Variants in SYNCRIP observed in about 807,000 individuals in gnomAD.
SYNCRIP encodes the protein heterogeneous nuclear ribonucleoprotein Q.
In SYNCRIP, 9 loss-of-function variants were observed where a neutral mutation model predicts 68.9. The ratio of observed to expected loss-of-function variants is 0.13; its 90% CI spans 0.08 to 0.23. SYNCRIP has a LOEUF of 0.23. SYNCRIP is among the 10% of genes least tolerant of loss of function. The pLI is 1.00. For missense variants in SYNCRIP, 414 were observed against 770.6 expected, an observed-to-expected ratio of 0.54 and a Z score of 5.48; for synonymous variants, 258 against 254.0, an observed-to-expected ratio of 1.02 and a Z score of -0.15.
chr6:85,622,920 G>A (rs1806579481), intron 7 of SYNCRIP, among the ~76,000 whole-genome samples: 1 of 152,136 alleles, frequency 6.6e-6, no homozygotes, highest in Non-Finnish European at 1.5e-5. Flanking sequence ...TCTTTTTAGA[G>A]GTAAGGACTA....
chr6:85,611,401 TTTC>T (rs1805231651), downstream of SYNCRIP: 1 of 152,578 alleles, frequency 6.6e-6, no homozygotes, highest in African/African-American at 2.4e-5. Flanking sequence ...CATGTCTGAT[TTTC>T]TTGTTAAATT....
At chr6:85,612,827 C>T, downstream of SYNCRIP, 1 of 1,535,428 alleles carries the variant, frequency 6.5e-7, no homozygotes, top group Non-Finnish European at 8.8e-7. Flanking sequence ...GCTTGATTTC[C>T]TTACCATTAC....
chr6:85,637,176 G>T (rs755413264), intron 5 of SYNCRIP, 33 bp from the exon 6 acceptor site: 2 of 1,606,754 alleles, frequency 1.2e-6, no homozygotes, highest in South Asian at 2.2e-5. Context: ...AAACCATGGA[G>T]AATTGCTTTA....
chr6:85,613,395 T>G (rs1234578944), downstream of SYNCRIP, among the ~76,000 whole-genome samples: 1 of 152,210 alleles, frequency 6.6e-6, no homozygotes, highest in African/African-American at 2.4e-5. Flanking sequence ...ATTTTTCACA[T>G]GTAACTTTAT....
chr6:85,641,668 G>C (rs1583326596), intron 1 of SYNCRIP, among the ~76,000 whole-genome samples: 1 of 152,010 alleles, frequency 6.6e-6, no homozygotes, highest in Non-Finnish European at 1.5e-5. Context: ...CACCACCCCT[G>C]ACTCACCTGC....
Position 85,637,505 on chromosome 6 carries a change from C to T in SYNCRIP, c.376-149G>A. On this transcript the variant is annotated intron_variant, in intron 4 of 10. Coordinates refer to ENST00000369622, the MANE Select transcript of SYNCRIP (RefSeq NM_006372.5). ...GTTTGTGATGTCTGTTTTAAAATTTCCCCTTAAATGTGTACTTGTTATACT... is the reference window on the plus strand; with the variant it reads ...GTTTGTGATGTCTGTTTTAAAATTTTCCCTTAAATGTGTACTTGTTATACT... 4 of 580,720 alleles carry T rather than the reference C, an allele frequency of 6.9e-6. No individual in the cohort carries two copies. In the South Asian group the frequency reaches 9.3e-5, roughly 13 times the overall value. The allele number at this position is 580,720 out of a possible 1,614,324, so 36.0% of individuals were successfully genotyped here. A position where few individuals can be genotyped will look rare whatever the true frequency, so the allele number is the denominator to read the frequency against.
chr6:85,627,008 G>C (rs1807116347), intron 6 of SYNCRIP, among the ~76,000 whole-genome samples: 1 of 152,148 alleles, frequency 6.6e-6, no homozygotes, highest in East Asian at 1.9e-4. Flanking sequence ...GCTCATGCCT[G>C]TACTCCTAGC....
At chr6:85,618,451 G>A (rs1806029019) in intron 10 of SYNCRIP, among the ~76,000 whole-genome samples, 2 of 151,964 alleles carry the variant, frequency 1.3e-5, no homozygotes, top group South Asian at 2.1e-4. Context: ...TGAGGCAGGA[G>A]AATCTCTTGA....
chr6:85,642,313 G>C (rs1163236594), intron 1 of SYNCRIP, among the ~76,000 whole-genome samples: 2 of 152,058 alleles, frequency 1.3e-5, no homozygotes, highest in East Asian at 3.9e-4. Context: ...GACGTGACCC[G>C]TGGCGCGCTG....
At chr6:85,610,662 CTA>C (rs1199514387), downstream of SYNCRIP, 1 of 151,992 alleles carries the variant, frequency 6.6e-6, no homozygotes, top group Non-Finnish European at 1.5e-5. Context: ...CTTAAAAATG[CTA>C]TGACAGTAAA....
Position 85,615,174 on chromosome 6 carries a change from T to C in SYNCRIP, c.1454A>G (p.Tyr485Cys), listed in dbSNP as rs761386246. 3 of 1,612,966 alleles carry C rather than the reference T, an allele frequency of 1.9e-6. No homozygotes were observed. Among genetic ancestry groups the C allele is most frequent in the African/African-American group, 1.3e-5 (1 of 74,998 alleles). Residue 485 changes from tyrosine to cysteine, a missense_variant, in exon 11 of 11, where the codon TAC (tyrosine) becomes TGC (cysteine). By Grantham distance (194) the Tyr-to-Cys change is radical. This residue lies in a region of SYNCRIP where 72 missense variants were observed against 119.8 expected (regional missense o/e 0.60). Coordinates refer to ENST00000369622, the MANE Select transcript of SYNCRIP (RefSeq NM_006372.5). ...HNYRGGYEDPYYGYEDFQVGA... is the reference protein window; with the variant it reads ...HNYRGGYEDPCYGYEDFQVGA... ...AACTTGAAAATCTTCATAACCATAG[T>C]ATGGATCTTCATATCCACCACGATA...
At position 85,640,479 on chromosome 6, in the gene SYNCRIP, T is replaced by C. The variant is rs141830734; in HGVS notation, c.234A>G (p.Gln78=). The C allele has an allele frequency of 7.8e-5, 126 of 1,608,168 alleles. No individual in the cohort carries two copies. The highest frequency in any genetic ancestry group is 3.3e-4 in the Middle Eastern group (2 of 5,982). The change falls in exon 3 of 11, where the codon CAA becomes CAG. Residue 78 remains glutamine, a synonymous_variant. Coordinates refer to ENST00000369622, the MANE Select transcript of SYNCRIP (RefSeq NM_006372.5). ...GAGAGAGATCACTGTCTTTAAACTG[T>C]TGAAGAACTGCCAATGCACCGTCTT... ...FNEDGALAVL[Q]QFKDSDLSHV... is the part of the protein sequence containing the mutation.
At chr6:85,622,057 C>CT (rs1806473740) in intron 8 of SYNCRIP, among the ~76,000 whole-genome samples, 1 of 150,206 alleles carries the variant, frequency 6.7e-6, no homozygotes, top group African/African-American at 2.5e-5. Flanking sequence ...TCTCCCAACT[C>CT]TAAAAATATG....
At position 85,614,786 on chromosome 6, in the gene SYNCRIP, A is replaced by G; in HGVS notation, c.1842T>C (p.Tyr614=). Residue 614 remains tyrosine, a synonymous_variant, in exon 11 of 11, where the codon TAT becomes TAC. Coordinates refer to ENST00000369622, the MANE Select transcript of SYNCRIP (RefSeq NM_006372.5). ...YGYKSENQEF[Y]QDTFGQQWK ...TCCACTGTTGCCCAAAAGTATCCTG[A>G]TAAAACTCCTGGTTTTCAGATTTGT... The G allele has an allele frequency of 6.2e-7, 1 of 1,608,936 alleles. No individual in the cohort carries two copies.
intron 6 of SYNCRIP, among the ~76,000 whole-genome samples, chr6:85,630,010 AT>A (rs1807545355): frequency 6.6e-6 from 1 of 151,672 alleles, no homozygotes; most frequent in Admixed American, 6.6e-5. Flanking sequence ...TATACACATC[AT>A]GACAGTATAC....
At chr6:85,619,002 G>T (rs1806087807) in intron 9 of SYNCRIP, 63 bp from the exon 10 acceptor site, 1 of 1,496,108 alleles carries the variant, frequency 6.7e-7, no homozygotes, top group Admixed American at 1.9e-5. Flanking sequence ...TTCATTTAAA[G>T]TTGGAATATC....
rs1156278419 is a variant in SYNCRIP, at chr6:85,618,909, C to T, written c.1189G>A (p.Glu397Lys). ...AAAACAATTTCAATATTTTCTCCCT[C>T]CAAGTCTTTGCCATTCATTTCTTCC... ...AMEEMNGKDL[E>K]GENIEIVFAK... Residue 397 changes from glutamate (E) to lysine (K), a missense_variant, in exon 10 of 11, where the codon GAG becomes AAG. Physicochemically the swap from Glu to Lys is moderately conservative, Grantham distance 56 (BLOSUM62 1). Transcript: ENST00000369622. 4 of 1,612,630 alleles carry T rather than the reference C, an allele frequency of 2.5e-6. No homozygotes were observed. The highest frequency in any genetic ancestry group is 3.4e-6 in the Non-Finnish European group (4 of 1,179,366).
intron 6 of SYNCRIP, among the ~76,000 whole-genome samples, chr6:85,629,983 A>C (rs1365683052): frequency 1.4e-5 from 2 of 145,042 alleles, no homozygotes; most frequent in African/African-American, 5.2e-5. Flanking sequence ...ATTTGTCTCA[A>C]AAAAAAAAAA....
chr6:85,629,925 A>G (rs1027935685), intron 6 of SYNCRIP, among the ~76,000 whole-genome samples: 3 of 151,778 alleles, frequency 2.0e-5, no homozygotes, highest in African/African-American at 7.3e-5. Context: ...CAGAGGTTGC[A>G]GTGAGCTGAG....
Sources: allele counts gnomAD v4.1 joint callset (sites outside exome capture counted in the v4.1 genomes callset), GRCh38; gene constraint gnomAD v4.1.1; regional missense constraint gnomAD v4.1.1; transcripts MANE v1.5; gene names NCBI Gene and HGNC (gene_info 2026-07-23, HGNC 2026-07-21).